Variants in NEDD4L observed in about 807,000 individuals in gnomAD.
The protein encoded by NEDD4L is E3 ubiquitin-protein ligase NEDD4-like.
A neutral mutation model predicts 148.9 loss-of-function variants in NEDD4L; 54 were observed. That is an observed-to-expected ratio of 0.36 (90% confidence interval 0.29 to 0.45). The LOEUF is 0.45. Ranked by LOEUF, NEDD4L falls within the 20% of genes least tolerant of loss-of-function variation. NEDD4L has a pLI of 1.00. For missense variants in NEDD4L, 856 were observed against 1,233.8 expected (o/e 0.69, Z 4.59); for synonymous variants, 433 against 440.7 (o/e 0.98, Z 0.22).
intron 1 of NEDD4L, among the ~76,000 whole-genome samples, chr18:58,112,427 T>A (rs2085478916): frequency 6.6e-6 from 1 of 151,302 alleles, no homozygotes; most frequent in Non-Finnish European, 1.5e-5. Context: ...TACTTCAGTT[T>A]GGTCGGTAAA....
chr18:58,293,274 C>T (rs184079014), intron 5 of NEDD4L, among the ~76,000 whole-genome samples: 8 of 152,248 alleles, frequency 5.3e-5, no homozygotes, highest in South Asian at 2.1e-4. Context: ...CATTAACTGA[C>T]GGATCAAATT....
intron 5 of NEDD4L, among the ~76,000 whole-genome samples, chr18:58,284,338 T>A (rs1568573668): frequency 6.6e-6 from 1 of 152,028 alleles, no homozygotes; most frequent in Non-Finnish European, 1.5e-5. Context: ...AATTGAGTAC[T>A]GTTGTTGATT....
chr18:58,300,942 T>A (rs2056380550), intron 5 of NEDD4L, among the ~76,000 whole-genome samples: 1 of 152,228 alleles, frequency 6.6e-6, no homozygotes, highest in East Asian at 1.9e-4. Flanking sequence ...AGGAAACTGG[T>A]ATTATTACAG....
chr18:58,278,618 C>A (rs984795762), intron 5 of NEDD4L, among the ~76,000 whole-genome samples: 1 of 152,182 alleles, frequency 6.6e-6, no homozygotes, highest in Non-Finnish European at 1.5e-5. Context: ...ACACTGGGCC[C>A]GTCCCTGCCT....
rs1205233361 is a variant in NEDD4L, at chr18:58,387,562, A to G, written c.2547+64A>G. ...TTTAAAGTATCTCTCATTACTTTAC[A>G]AGTAATATTTTAATATTCTTGGATC... On this transcript the variant is annotated intron_variant, in intron 27 of 30. Transcript: ENST00000400345. 9.3e-6 allele frequency: 13 copies of G among 1,400,576 alleles called. No homozygotes were observed. In the Admixed American group the frequency reaches 3.6e-4, roughly 39 times the overall value. 86.8% of individuals were successfully genotyped at this position (1,400,576 alleles called of 1,614,324 possible).
intron 1 of NEDD4L, among the ~76,000 whole-genome samples, chr18:58,150,694 CTT>C (rs1257657918): frequency 6.6e-6 from 1 of 152,186 alleles, no homozygotes; most frequent in African/African-American, 2.4e-5. Context: ...CTAGGAATGA[CTT>C]TTTCTTAGGA....
At chr18:58,280,180 C>T (rs529996573) in intron 5 of NEDD4L, among the ~76,000 whole-genome samples, 6 of 152,182 alleles carry the variant, frequency 3.9e-5, no homozygotes, top group Non-Finnish European at 5.9e-5. Context: ...GCAGCCACTG[C>T]ACGTGGCTGC....
intron 2 of NEDD4L, among the ~76,000 whole-genome samples, chr18:58,183,984 A>G (rs746873533): frequency 1.3e-5 from 2 of 152,200 alleles, no homozygotes; most frequent in Admixed American, 6.5e-5. Context: ...CCTGGCTAAC[A>G]TGGTGAAACC....
chr18:58,381,816 G>A (rs1429750143), intron 24 of NEDD4L, among the ~76,000 whole-genome samples: 1 of 152,152 alleles, frequency 6.6e-6, no homozygotes, highest in Non-Finnish European at 1.5e-5. Flanking sequence ...GAGTTTCACT[G>A]TAGAAACATC....
intron 1 of NEDD4L, among the ~76,000 whole-genome samples, chr18:58,082,158 A>C (rs1054654828): frequency 5.8e-5 from 7 of 120,764 alleles, no homozygotes; most frequent in African/African-American, 2.3e-4. Context: ...CCCAGACTGG[A>C]GTGCAATGGC....
At position 58,324,989 on chromosome 18, in the gene NEDD4L, T is replaced by A. The variant is rs1243204590; in HGVS notation, c.514-7T>A. The A allele has an allele frequency of 6.2e-7, 1 of 1,611,792 alleles. No individual in the cohort carries two copies. The highest frequency in any genetic ancestry group is 8.5e-7 in the Non-Finnish European group (1 of 1,178,526). On this transcript the variant is annotated splice_region_variant and splice_polypyrimidine_tract_variant and intron_variant, in intron 8 of 30. Coordinates refer to ENST00000400345, the MANE Select transcript of NEDD4L (RefSeq NM_001144967.3). ...CTCATAATCGTCCCTTTAACTTTAT[T>A]CCGCAGCATGGATGGGAAGTTGTTG...
At position 58,098,123 on chromosome 18, in the gene NEDD4L, G is replaced by GA. The variant is rs1392137076; in HGVS notation, c.48+53417dup. Among the ~76,000 whole-genome samples, 3 of 152,218 alleles carry GA rather than the reference G, an allele frequency of 2.0e-5. No individual in the cohort carries two copies. In the East Asian group the frequency reaches 5.8e-4, roughly 29 times the overall value. ...AGATGACTGTTAGAATAGTGGTGAA[G>GA]AATCTGACAAGTGGCAGAATGCAGG... On this transcript the variant is annotated intron_variant, in intron 1 of 30. Transcript: ENST00000400345.
chr18:58,113,683 T>C (rs1340275195), intron 1 of NEDD4L, among the ~76,000 whole-genome samples: 1 of 152,086 alleles, frequency 6.6e-6, no homozygotes, highest in African/African-American at 2.4e-5. Flanking sequence ...GACGAGCTGA[T>C]AATTTGGGCA....
At chr18:58,146,480 G>A (rs938723956) in intron 1 of NEDD4L, among the ~76,000 whole-genome samples, 1 of 151,980 alleles carries the variant, frequency 6.6e-6, no homozygotes, top group East Asian at 1.9e-4. Context: ...GGTTACTAGG[G>A]TGTCCAGCGA....
At chr18:58,206,420 C>T (rs1180598635) in intron 2 of NEDD4L, among the ~76,000 whole-genome samples, 1 of 152,042 alleles carries the variant, frequency 6.6e-6, no homozygotes, top group East Asian at 1.9e-4. Context: ...ACAACAAAAA[C>T]CCAAACTTTC....
At chr18:58,055,322 G>A (rs971055256) in intron 1 of NEDD4L, among the ~76,000 whole-genome samples, 2 of 152,016 alleles carry the variant, frequency 1.3e-5, no homozygotes, top group African/African-American at 2.4e-5. Context: ...AACTAACTAG[G>A]GATATATTCC....
chr18:58,347,205 G>GCCCCCCCCCCCCC lies in NEDD4L; in HGVS notation c.1576-2324_1576-2323insCCCCCCCCCCCCC, dbSNP rs138430099. On this transcript the variant is annotated intron_variant, in intron 16 of 30. Transcript: ENST00000400345. ...AATTTCAGCTTCTTTTCACGCTACG[G>GCCCCCCCCCCCCC]CCCCCCCCGCCCCCCCCCCCCCTTT... 1.1e-3 allele frequency among the ~76,000 whole-genome samples: 42 copies of GCCCCCCCCCCCCC among 39,576 alleles called. 1 individual carries two copies. The highest frequency in any genetic ancestry group is 2.0e-3 in the African/African-American group (14 of 7,154). The allele number at this position is 39,576 out of a possible 152,430, so 26.0% of individuals were successfully genotyped here.
intron 16 of NEDD4L, among the ~76,000 whole-genome samples, chr18:58,343,348 T>C (rs978366264): frequency 3.9e-5 from 6 of 152,230 alleles, no homozygotes; most frequent in Non-Finnish European, 8.8e-5. Context: ...AGCTCTAGTT[T>C]AGACAGTTCA....
At chr18:58,208,821 C>T (rs1236901521) in intron 2 of NEDD4L, among the ~76,000 whole-genome samples, 2 of 152,146 alleles carry the variant, frequency 1.3e-5, no homozygotes, top group African/African-American at 4.8e-5. Context: ...GAAAATACTC[C>T]TCAGATATAT....
Sources: gnomAD v4.1 joint callset for allele counts (sites outside exome capture counted in the v4.1 genomes callset) on GRCh38, gnomAD v4.1.1 for gene constraint, MANE v1.5 for transcripts, NCBI Gene and HGNC (gene_info 2026-07-23, HGNC 2026-07-21) for gene names.